CELF2: variants seen among roughly 807,000 people sequenced by gnomAD.
CELF2 encodes CUGBP Elav-like family member 2, also known as CUG triplet repeat RNA-binding protein 2.
In CELF2, 8 loss-of-function variants were observed where a neutral mutation model predicts 62.6. The ratio of observed to expected loss-of-function variants is 0.13; its 90% CI spans 0.07 to 0.23. The LOEUF (loss-of-function observed/expected upper bound fraction) is 0.23, where lower values mean the gene tolerates loss of function less well. Among genes scored for constraint, CELF2 ranks in the 10% least tolerant of loss-of-function variants. The pLI, the probability that CELF2 is intolerant of heterozygous loss-of-function variation, is 1.00. For missense variants in CELF2, 333 were observed against 671.0 expected (o/e 0.50, Z 5.56); for synonymous variants, 258 against 250.0 (o/e 1.03, Z -0.30).
chr10:11,136,600 A>G (rs2060473726), intron 1 of CELF2, among the ~76,000 whole-genome samples: 1 of 152,194 alleles, frequency 6.6e-6, no homozygotes, highest in Non-Finnish European at 1.5e-5. Flanking sequence ...GCGAAACTCC[A>G]TCTCAAAAAT....
chr10:11,282,978 G>T (rs2089538327), intron 8 of CELF2, among the ~76,000 whole-genome samples: 2 of 152,340 alleles, frequency 1.3e-5, no homozygotes, highest in African/African-American at 2.4e-5. Context: ...CTGTTGCCCA[G>T]GCTGGACTTG....
At chr10:10,567,892 A>C in the CELF2 span, among the ~76,000 whole-genome samples, 4 of 152,220 alleles carry the variant, frequency 2.6e-5, no homozygotes, top group South Asian at 8.3e-4. Context: ...GGATTCCTTC[A>C]TTCATTCATT....
chr10:11,134,241 G>A (rs1221091059), intron 1 of CELF2, among the ~76,000 whole-genome samples: 1 of 152,216 alleles, frequency 6.6e-6, no homozygotes, highest in Non-Finnish European at 1.5e-5. Context: ...GTGCAAAGGG[G>A]CAGGGGCCCT....
intron 2 of CELF2, among the ~76,000 whole-genome samples, chr10:11,187,646 T>G (rs1283233624): frequency 6.6e-6 from 1 of 152,142 alleles, no homozygotes; most frequent in Non-Finnish European, 1.5e-5. Flanking sequence ...TTACCTTCTT[T>G]GTTGGCTTAC....
chr10:10,787,350 G>C, the CELF2 span, among the ~76,000 whole-genome samples: 1 of 152,022 alleles, frequency 6.6e-6, no homozygotes, highest in Non-Finnish European at 1.5e-5. Context: ...TTGTTTTTAT[G>C]CTATCAACAA....
At chr10:10,828,445 T>A (rs776330669) in intron 1 of CELF2, among the ~76,000 whole-genome samples, 3 of 152,118 alleles carry the variant, frequency 2.0e-5, no homozygotes. Context: ...TCCACTTATA[T>A]GAGGTGCCCA....
chr10:10,967,498 G>A (rs141320141), intron 2 of CELF2, among the ~76,000 whole-genome samples: 18 of 152,258 alleles, frequency 1.2e-4, no homozygotes, highest in East Asian at 5.8e-4. Context: ...GATTTCATTC[G>A]GGGGAAATGC....
At chr10:11,200,851 G>A (rs1294334933) in intron 2 of CELF2, among the ~76,000 whole-genome samples, 1 of 152,210 alleles carries the variant, frequency 6.6e-6, no homozygotes, top group Admixed American at 6.5e-5. Context: ...GGGCTGAGTC[G>A]CACCGTACAA....
chr10:10,800,446 G>C (rs2054548604), intron 1 of CELF2, among the ~76,000 whole-genome samples: 1 of 152,090 alleles, frequency 6.6e-6, no homozygotes, highest in Admixed American at 6.5e-5. Flanking sequence ...CCACCTCCCG[G>C]GTTCAAGCAA....
the CELF2 span, among the ~76,000 whole-genome samples, chr10:10,674,265 T>C: frequency 6.6e-6 from 1 of 152,188 alleles, no homozygotes; most frequent in Non-Finnish European, 1.5e-5. Flanking sequence ...CCATTTTTAT[T>C]AGTTAATGTC....
chr10:10,832,615 A>G (rs1029825745), intron 1 of CELF2, among the ~76,000 whole-genome samples: 6 of 152,326 alleles, frequency 3.9e-5, no homozygotes, highest in Middle Eastern at 3.4e-3. Context: ...AGTCGGTTCA[A>G]TAAAACATTG....
At chr10:10,497,719 G>C in the CELF2 span, among the ~76,000 whole-genome samples, 2 of 152,166 alleles carry the variant, frequency 1.3e-5, no homozygotes, top group Non-Finnish European at 2.9e-5. Context: ...TTCCACAAGA[G>C]CAAGGAGGCT....
At chr10:10,602,570 T>C in the CELF2 span, among the ~76,000 whole-genome samples, 3 of 152,228 alleles carry the variant, frequency 2.0e-5, no homozygotes, top group Admixed American at 1.3e-4. Context: ...GGATACTCAC[T>C]GAGTGTCAAC....
chr10:11,142,412 C>T (rs996691081), intron 1 of CELF2, among the ~76,000 whole-genome samples: 20 of 151,562 alleles, frequency 1.3e-4, no homozygotes, highest in Middle Eastern at 3.4e-3. Context: ...GGGCTGGGCG[C>T]GGTGGCTCAC....
At chr10:11,248,950 A>G (rs2076369780) in intron 3 of CELF2, among the ~76,000 whole-genome samples, 1 of 152,242 alleles carries the variant, frequency 6.6e-6, no homozygotes, top group African/African-American at 2.4e-5. Context: ...GTTCTGTGTT[A>G]CAGGGCCCCG....
At chr10:10,805,840 C>G (rs536196171) in intron 1 of CELF2, among the ~76,000 whole-genome samples, 1 of 152,282 alleles carries the variant, frequency 6.6e-6, no homozygotes, top group South Asian at 2.1e-4. Flanking sequence ...ATTTGATCAC[C>G]TTGTGTTCAT....
At chr10:10,738,823 GA>G in the CELF2 span, among the ~76,000 whole-genome samples, 1 of 152,150 alleles carries the variant, frequency 6.6e-6, no homozygotes, top group African/African-American at 2.4e-5. Flanking sequence ...TCATGGAAGG[GA>G]AAAAGAACAT....
intron 1 of CELF2, among the ~76,000 whole-genome samples, chr10:10,802,479 A>G (rs558157251): frequency 1.4e-3 from 220 of 152,322 alleles, no homozygotes; most frequent in African/African-American, 5.2e-3. Flanking sequence ...CAAACAAACA[A>G]ACAAAAAAAG....
chr10:11,294,904 T>G (rs1487853893), intron 9 of CELF2, among the ~76,000 whole-genome samples: 1 of 152,206 alleles, frequency 6.6e-6, no homozygotes. Context: ...AGTGAGGCTC[T>G]TTCTCAACAA....
Sources: gnomAD v4.1 joint callset for allele counts (sites outside exome capture counted in the v4.1 genomes callset) on GRCh38, gnomAD v4.1.1 for gene constraint, MANE v1.5 for transcripts, NCBI Gene and HGNC (gene_info 2026-07-23, HGNC 2026-07-21) for gene names.